The following C16orf78 variants were observed in gnomAD, a reference collection of about 807,000 sequenced individuals.
The protein encoded by C16orf78 is chromosome 16 open reading frame 78, also known as uncharacterized protein C16orf78.
C16orf78 carries 19 observed loss-of-function variants against 27.3 expected under a neutral mutation model. That is an observed-to-expected ratio of 0.70 (90% CI 0.49 to 1.02). The LOEUF is 1.02. C16orf78 is among the 50% of genes least tolerant of loss of function. C16orf78 has a pLI of 0.00. For missense variants in C16orf78, 339 were observed against 337.0 expected (o/e 1.01, Z -0.05); for synonymous variants, 130 against 116.1 (o/e 1.12, Z -0.77).
At chr16:49,382,280 G>A (rs1368362992) in intron 3 of C16orf78, among the ~76,000 whole-genome samples, 2 of 152,124 alleles carry the variant, frequency 1.3e-5, no homozygotes, top group Non-Finnish European at 2.9e-5. Context: ...GGGGGGAGTG[G>A]AGAGGGATAG....
In C16orf78 at chr16:49,399,311, T is replaced by G; in HGVS notation, c.*33T>G. 1.2e-6 allele frequency: 2 copies of G among 1,611,124 alleles called. No individual in the cohort carries two copies. Among genetic ancestry groups the G allele is most frequent in the Non-Finnish European group, 1.7e-6 (2 of 1,178,648 alleles). On this transcript the variant is annotated 3_prime_UTR_variant, in exon 5 of 5. Transcript: ENST00000299191. ...CTCTCGCCACCACCTTCAGGCTCCT[T>G]CTGTCATGGGACCCTTCACCTCCAG...
chr16:49,377,873 A>C, intron 2 of C16orf78, 23 bp downstream of exon 2: 2 of 1,554,242 alleles, frequency 1.3e-6, no homozygotes, highest in Non-Finnish European at 1.7e-6. Flanking sequence ...CTCTTCCCCC[A>C]CTCACCCCCA....
chr16:49,390,628 A>C (rs1284286263), intron 3 of C16orf78, among the ~76,000 whole-genome samples: 1 of 152,244 alleles, frequency 6.6e-6, no homozygotes, highest in African/African-American at 2.4e-5. Flanking sequence ...GCATAACAAG[A>C]GTATGTCATA....
intron 3 of C16orf78, among the ~76,000 whole-genome samples, chr16:49,392,108 T>A (rs925134015): frequency 6.6e-6 from 1 of 152,208 alleles, no homozygotes; most frequent in African/African-American, 2.4e-5. Context: ...ACTAGGAATA[T>A]CCTGATAAAA....
chr16:49,398,557 C>T (rs957166286), intron 4 of C16orf78, among the ~76,000 whole-genome samples: 2 of 152,200 alleles, frequency 1.3e-5, no homozygotes, highest in African/African-American at 2.4e-5. Flanking sequence ...GTATCTTTCC[C>T]GGCCCATGAC....
intron 3 of C16orf78, among the ~76,000 whole-genome samples, chr16:49,382,718 C>T (rs901011544): frequency 2.6e-5 from 4 of 152,106 alleles, no homozygotes; most frequent in Non-Finnish European, 5.9e-5. Context: ...TGAACACCTC[C>T]TTAAATTTTG....
intron 3 of C16orf78, among the ~76,000 whole-genome samples, chr16:49,386,088 G>A (rs1043425662): frequency 5.9e-5 from 9 of 152,136 alleles, no homozygotes; most frequent in African/African-American, 2.2e-4. Context: ...CAGATTTTAA[G>A]TCAGAAACTG....
chr16:49,396,804 G>C (rs1020455329), intron 4 of C16orf78, 126 bp downstream of exon 4: 2 of 1,298,172 alleles, frequency 1.5e-6, no homozygotes, highest in South Asian at 3.1e-5. Flanking sequence ...GTGTGGCTGA[G>C]CTCCGCCCTT....
Position 49,374,075 on chromosome 16 carries a change from A to C in C16orf78, c.136A>C (p.Lys46Gln). The C allele has an allele frequency of 6.2e-7, 1 of 1,614,130 alleles. No individual in the cohort carries two copies. The highest frequency in any genetic ancestry group is 8.5e-7 in the Non-Finnish European group (1 of 1,179,992). Residue 46 changes from lysine (K) to glutamine (Q), a missense_variant, in exon 1 of 5, where the codon AAA becomes CAA. Physicochemically the swap from Lys to Gln is moderately conservative, Grantham distance 53. Transcript: ENST00000299191. ...EWLERRQGKK[K>Q]QAPEKQKPKV... ...GCTGGAGCGGAGGCAGGGGAAGAAG[A>C]AACAAGCTCCCGAGGTGGGTACCAT...
intron 1 of C16orf78, among the ~76,000 whole-genome samples, chr16:49,376,363 A>T (rs1225634808): frequency 6.6e-6 from 1 of 152,222 alleles, no homozygotes. Flanking sequence ...AAGCATCGCC[A>T]TGTCAATTCC....
intron 1 of C16orf78, 138 bp from the exon 2 acceptor site, chr16:49,377,593 A>G: frequency 4.4e-6 from 5 of 1,126,586 alleles, no homozygotes; most frequent in Non-Finnish European, 6.2e-6. Flanking sequence ...AACAGTGACG[A>G]CAGGCCCTAG....
rs962593611 is a variant in C16orf78, at chr16:49,373,817, T to G, written c.-123T>G. 15 of 1,212,384 alleles carry G rather than the reference T, an allele frequency of 1.2e-5. No individual in the cohort carries two copies. Among genetic ancestry groups the G allele is most frequent in the Non-Finnish European group, 1.6e-5 (14 of 863,032 alleles). The allele number at this position is 1,212,384 out of a possible 1,614,324, so 75.1% of individuals were successfully genotyped here. ...GGGTCTTGGCTCACTCTGCCCTTTA[T>G]GTTCACATCTGGAGGCCACACCCTA... On this transcript the variant is annotated 5_prime_UTR_variant, in exon 1 of 5. It removes an upstream start codon present in the reference 5' UTR. Transcript: ENST00000299191.
At chr16:49,377,041 G>A (rs1316580023) in intron 1 of C16orf78, among the ~76,000 whole-genome samples, 3 of 152,204 alleles carry the variant, frequency 2.0e-5, no homozygotes, top group Non-Finnish European at 4.4e-5. Flanking sequence ...CACCCTTTAA[G>A]TGCTTCTGCT....
At chr16:49,398,936 A>C (rs1428567464) in intron 4 of C16orf78, among the ~76,000 whole-genome samples, 195 bp from the exon 5 acceptor site, 3 of 152,174 alleles carry the variant, frequency 2.0e-5, no homozygotes, top group Non-Finnish European at 4.4e-5. Flanking sequence ...AGTTACACAA[A>C]CGCAAACTCC....
intron 3 of C16orf78, among the ~76,000 whole-genome samples, chr16:49,395,926 G>A (rs1009450811): frequency 1.3e-5 from 2 of 152,074 alleles, no homozygotes; most frequent in East Asian, 1.9e-4. Context: ...GGAGGGAGGG[G>A]TAAAAGGATT....
At chr16:49,375,324 T>C (rs1015191850) in intron 1 of C16orf78, among the ~76,000 whole-genome samples, 2 of 152,056 alleles carry the variant, frequency 1.3e-5, no homozygotes, top group African/African-American at 4.8e-5. Flanking sequence ...GACTGGGTCA[T>C]TTATTTAAAA....
intron 3 of C16orf78, among the ~76,000 whole-genome samples, chr16:49,391,952 G>A (rs761031927): frequency 1.4e-4 from 22 of 152,062 alleles, no homozygotes; most frequent in Admixed American, 3.9e-4. Context: ...CCCTGTCAAG[G>A]ACCAGCTACC....
At chr16:49,374,492 T>C (rs1196576228) in intron 1 of C16orf78, among the ~76,000 whole-genome samples, 1 of 152,194 alleles carries the variant, frequency 6.6e-6, no homozygotes. Context: ...GAGGAAATGC[T>C]CTAAGGAAAA....
chr16:49,383,520 A>G (rs1344807264), intron 3 of C16orf78, among the ~76,000 whole-genome samples: 2 of 152,184 alleles, frequency 1.3e-5, no homozygotes, highest in Non-Finnish European at 2.9e-5. Flanking sequence ...CTTCATGACC[A>G]GTTACTGGGT....
Sources: gnomAD v4.1 joint callset for allele counts (sites outside exome capture counted in the v4.1 genomes callset) on GRCh38, gnomAD v4.1.1 for gene constraint, MANE v1.5 for transcripts, NCBI Gene and HGNC (gene_info 2026-07-23, HGNC 2026-07-21) for gene names.